The following PDE2A variants were observed in gnomAD, a reference collection of about 807,000 sequenced individuals.
The protein encoded by PDE2A is cGMP-dependent 3',5'-cyclic phosphodiesterase.
A neutral mutation model predicts 133.6 loss-of-function variants in PDE2A; 53 were observed. The observed-to-expected ratio is 0.40, with a 90% CI of 0.32 to 0.50. The LOEUF is 0.50. PDE2A is among the 20% of genes least tolerant of loss of function. The pLI, the probability that PDE2A is intolerant of heterozygous loss-of-function variation, is 0.73. For missense variants in PDE2A, 796 were observed against 1,232.4 expected, an observed-to-expected ratio of 0.65 and a Z score of 5.30; for synonymous variants, 491 against 490.2, an observed-to-expected ratio of 1.00 and a Z score of -0.02.
rs1383712432 is a variant in PDE2A at position 72,578,547 on chromosome 11, T to G, written c.2470-33A>C. ...GCCAACACTCTCATCACATCCTCTA[T>G]GTAGGATACATCCACCCAAGCTCCT... On this transcript the variant is annotated intron_variant, in intron 28 of 30. Coordinates refer to ENST00000334456, the MANE Select transcript of PDE2A (RefSeq NM_002599.5). The surrounding 1 kb of genome is among the most constrained non-coding windows in gnomAD (Gnocchi z 4.2). 6.3e-7 allele frequency: 1 copy of G among 1,580,456 alleles called. No homozygotes were observed.
chr11:72,590,619 A>G lies in PDE2A; in HGVS notation c.550-39T>C, dbSNP rs991938497. ...AGCGGTTAGCGCGCCGCTCGCCCCA[A>G]GCTCGCTGCGCTTGCTGCAGCGGGA... On this transcript the variant is annotated intron_variant, in intron 7 of 30. Transcript: ENST00000334456. The surrounding 1 kb of genome is among the most constrained non-coding windows in gnomAD (Gnocchi z 4.8). 4.6e-5 allele frequency: 61 copies of G among 1,336,290 alleles called. No individual in the cohort carries two copies. Among genetic ancestry groups the G allele is most frequent in the Non-Finnish European group, 5.7e-5 (60 of 1,048,818 alleles). The allele number at this position is 1,336,290 out of a possible 1,614,324, so 82.8% of individuals were successfully genotyped here.
rs1173692750 is a variant in PDE2A, at chr11:72,586,194, G to C, written c.1071-13C>G. On this transcript the variant is annotated splice_polypyrimidine_tract_variant and intron_variant, in intron 13 of 30. Transcript: ENST00000334456. ...CTCGTCGGTGAACCTGGAGGAGGGGGTGGGCTCACTCAGGAGGGAAGGGAA... is the reference window on the plus strand; with the variant it reads ...CTCGTCGGTGAACCTGGAGGAGGGGCTGGGCTCACTCAGGAGGGAAGGGAA... 1 of 1,508,294 alleles carries C rather than the reference G, an allele frequency of 6.6e-7. No individual in the cohort carries two copies. The highest frequency in any genetic ancestry group is 1.4e-5 in the African/African-American group (1 of 72,794). 93.4% of individuals were successfully genotyped at this position (1,508,294 alleles called of 1,614,324 possible).
chr11:72,641,638 G>T (rs961116669), intron 2 of PDE2A, among the ~76,000 whole-genome samples: 3 of 152,220 alleles, frequency 2.0e-5, no homozygotes, highest in Admixed American at 2.0e-4. Context: ...GAAAGACTCG[G>T]AGATCTCCAA....
At chr11:72,656,176 A>G (rs112351889) in intron 1 of PDE2A, among the ~76,000 whole-genome samples, 96 of 152,346 alleles carry the variant, frequency 6.3e-4, no homozygotes, top group Middle Eastern at 6.8e-3. Flanking sequence ...GGCCATGTAG[A>G]CAAGCTGAGG....
chr11:72,653,303 G>C (rs769847224), intron 1 of PDE2A, among the ~76,000 whole-genome samples: 39 of 152,322 alleles, frequency 2.6e-4, no homozygotes, highest in Non-Finnish European at 8.8e-5. Flanking sequence ...GCAGAGAGAA[G>C]CATATAGAGA....
intron 1 of PDE2A, chr11:72,668,268 G>A (rs1489995214): frequency 4.2e-6 from 3 of 717,996 alleles, no homozygotes; most frequent in South Asian, 1.5e-5. Context: ...ACAGATTTGT[G>A]CCCCAGGTCT....
intron 1 of PDE2A, among the ~76,000 whole-genome samples, chr11:72,667,325 C>T (rs1012779803): frequency 6.6e-6 from 1 of 152,108 alleles, no homozygotes; most frequent in African/African-American, 2.4e-5. Flanking sequence ...AAACCCAGAC[C>T]CCAACTGCAA....
intron 2 of PDE2A, among the ~76,000 whole-genome samples, chr11:72,619,542 G>A (rs1857644641): frequency 6.6e-6 from 1 of 152,198 alleles, no homozygotes; most frequent in African/African-American, 2.4e-5. Flanking sequence ...CTGTGTCTAT[G>A]TGTGTGCACT....
At chr11:72,610,887 G>A (rs1455043122) in intron 2 of PDE2A, among the ~76,000 whole-genome samples, 2 of 152,148 alleles carry the variant, frequency 1.3e-5, no homozygotes, top group East Asian at 1.9e-4. Context: ...GCAAGAGCTC[G>A]AGTGATACCT....
Position 72,584,603 on chromosome 11 carries a change from G to A in PDE2A, c.1485C>T (p.Thr495=). 1 of 1,612,650 alleles carries A rather than the reference G, an allele frequency of 6.2e-7. No homozygotes were observed. The highest frequency in any genetic ancestry group is 8.5e-7 in the Non-Finnish European group (1 of 1,180,022). ...AGAGGATGTTGCGCGTGCGGAAGCC[G>A]GTGCTGTCGTCCACGCCGCGGTAGA... ...PLFYRGVDDS[T]GFRTRNILCF... The change falls in exon 18 of 31, where the codon ACC becomes ACT. Residue 495 remains threonine (T), a synonymous_variant. Coordinates refer to ENST00000334456, the MANE Select transcript of PDE2A (RefSeq NM_002599.5).
At chr11:72,653,477 A>C (rs930197681) in intron 1 of PDE2A, among the ~76,000 whole-genome samples, 1 of 150,680 alleles carries the variant, frequency 6.6e-6, no homozygotes, top group African/African-American at 2.4e-5. Context: ...TCCACTCCCG[A>C]CTCCCAGGGA....
intron 22 of PDE2A, 126 bp from the exon 23 acceptor site, chr11:72,581,605 T>C: frequency 9.0e-7 from 1 of 1,112,424 alleles, no homozygotes; most frequent in South Asian, 1.6e-5. Flanking sequence ...GATGACTCTG[T>C]CTTAGCAGGA....
intron 2 of PDE2A, among the ~76,000 whole-genome samples, chr11:72,623,386 T>A (rs527761663): frequency 1.3e-5 from 2 of 151,964 alleles, no homozygotes; most frequent in South Asian, 4.2e-4. Context: ...CCTTCTCACC[T>A]CCCCGGCCTC....
At chr11:72,669,757 T>C (rs1305734268) in intron 1 of PDE2A, among the ~76,000 whole-genome samples, 1 of 152,156 alleles carries the variant, frequency 6.6e-6, no homozygotes, top group African/African-American at 2.4e-5. Context: ...TGCATATTGC[T>C]TTGTATTTGT....
intron 1 of PDE2A, among the ~76,000 whole-genome samples, chr11:72,651,435 G>A (rs568628376): frequency 7.9e-5 from 12 of 152,218 alleles, no homozygotes; most frequent in African/African-American, 2.9e-4. Flanking sequence ...CACTCCCAAG[G>A]GGTGTCAAGG....
chr11:72,578,188 A>C lies in PDE2A; in HGVS notation c.2615+45T>G. ...TCCTGTGATGTCCCCACTCCAGCCT[A>C]CCCTCTCTGTGCAGGGTGCAGCTTG... On this transcript the variant is annotated intron_variant, in intron 30 of 30. Coordinates refer to ENST00000334456, the MANE Select transcript of PDE2A (RefSeq NM_002599.5). The surrounding 1 kb of genome is among the most constrained non-coding windows in gnomAD (Gnocchi z 4.2). 8.1e-7 allele frequency: 1 copy of C among 1,235,478 alleles called. No individual in the cohort carries two copies. The highest frequency in any genetic ancestry group is 1.2e-5 in the South Asian group (1 of 83,702). The allele number at this position is 1,235,478 out of a possible 1,614,324, so 76.5% of individuals were successfully genotyped here.
At chr11:72,606,018 G>A (rs1410977029) in intron 3 of PDE2A, among the ~76,000 whole-genome samples, 1 of 152,026 alleles carries the variant, frequency 6.6e-6, no homozygotes, top group Non-Finnish European at 1.5e-5. Flanking sequence ...GGAGACGTGA[G>A]CAGATTTGTA....
chr11:72,584,746 GAGTCGAGAGGAAGA>G lies in PDE2A; in HGVS notation c.1360-32_1360-19del, dbSNP rs1855885153. 6.2e-7 allele frequency: 1 copy of G among 1,612,512 alleles called. No homozygotes were observed. The highest frequency in any genetic ancestry group is 1.7e-5 in the Admixed American group (1 of 59,964). On this transcript the variant is annotated intron_variant, in intron 17 of 30. Transcript: ENST00000334456. The stretch of plus-strand genomic sequence containing the variant: ...TCATAGCTCTGCCGGAGCAGAGATG[GAGTCGAGAGGAAGA>G]AGTTAGTGACCCGGCCACAGAGGGG...
At chr11:72,598,061 C>A (rs187163019) in intron 4 of PDE2A, among the ~76,000 whole-genome samples, 249 of 152,322 alleles carry the variant, frequency 1.6e-3, no homozygotes, top group Non-Finnish European at 2.4e-3. Flanking sequence ...TAGTGCTAAG[C>A]ACAGGAGGTA....
Sources: allele counts gnomAD v4.1 joint callset (sites outside exome capture counted in the v4.1 genomes callset), GRCh38; gene constraint gnomAD v4.1.1; non-coding constraint Gnocchi (gnomAD v3.1); transcripts MANE v1.5; gene names NCBI Gene and HGNC (gene_info 2026-07-23, HGNC 2026-07-21).